The following NTNG1 variants were observed in gnomAD, a reference collection of about 807,000 sequenced individuals.
The protein encoded by NTNG1 is netrin-G1.
A neutral mutation model predicts 54.0 loss-of-function variants in NTNG1; 16 were observed. The ratio of observed to expected loss-of-function variants is 0.30; its 90% CI spans 0.20 to 0.45. NTNG1 has a LOEUF of 0.45. Ranked by LOEUF, NTNG1 falls within the 20% of genes least tolerant of loss-of-function variation. NTNG1 has a pLI of 1.00. For synonymous variants in NTNG1, 255 were observed against 263.1 expected, an observed-to-expected ratio of 0.97 and a Z score of 0.30; for missense variants, 530 against 678.7, an observed-to-expected ratio of 0.78 and a Z score of 2.43.
intron 2 of NTNG1, among the ~76,000 whole-genome samples, chr1:107,218,674 T>G (rs1660133555): frequency 6.6e-6 from 1 of 152,204 alleles, no homozygotes. Flanking sequence ...TCTCAGCATT[T>G]GTTTGTCTGT....
chr1:107,336,494 A>C (rs1362999010), intron 3 of NTNG1, among the ~76,000 whole-genome samples: 2 of 151,968 alleles, frequency 1.3e-5, no homozygotes, highest in African/African-American at 4.8e-5. Context: ...TAAAGACCTA[A>C]ATGTAAGAGC....
chr1:107,213,766 A>C (rs1659753718), intron 2 of NTNG1, among the ~76,000 whole-genome samples: 1 of 152,180 alleles, frequency 6.6e-6, no homozygotes, highest in African/African-American at 2.4e-5. Context: ...TGCCTTTGAA[A>C]GTGCAACATG....
intron 2 of NTNG1, among the ~76,000 whole-genome samples, chr1:107,270,708 G>A (rs1029757386): frequency 1.5e-5 from 1 of 67,742 alleles, no homozygotes; most frequent in African/African-American, 5.7e-5. Flanking sequence ...CCCCGCCCCC[G>A]CCCCCGCCCC....
intron 7 of NTNG1, among the ~76,000 whole-genome samples, chr1:107,479,724 G>A (rs1183898387): frequency 6.6e-6 from 1 of 152,198 alleles, no homozygotes; most frequent in African/African-American, 2.4e-5. Context: ...AATGAGGTTA[G>A]TCAGAATTTT....
intron 7 of NTNG1, chr1:107,460,279 G>A (rs927585220): frequency 3.1e-5 from 14 of 453,526 alleles, no homozygotes; most frequent in Admixed American, 2.6e-4. Context: ...CATCATGAGC[G>A]CACTCCCAGG....
At chr1:107,307,249 T>C (rs1257240320) in intron 2 of NTNG1, among the ~76,000 whole-genome samples, 1 of 152,232 alleles carries the variant, frequency 6.6e-6, no homozygotes, top group East Asian at 1.9e-4. Flanking sequence ...CTGTGTATTC[T>C]ATGAAGAGAT....
intron 2 of NTNG1, among the ~76,000 whole-genome samples, chr1:107,245,675 G>A (rs1570945986): frequency 6.6e-6 from 1 of 152,276 alleles, no homozygotes; most frequent in Non-Finnish European, 1.5e-5. Context: ...TTTCATTGCA[G>A]TTGTTTTATG....
chr1:107,381,801 C>T (rs1455502052), intron 3 of NTNG1, among the ~76,000 whole-genome samples: 1 of 152,346 alleles, frequency 6.6e-6, no homozygotes, highest in African/African-American at 2.4e-5. Flanking sequence ...ATAAAGTCAT[C>T]AGGACATTGA....
chr1:107,254,721 T>G (rs1414229918), intron 2 of NTNG1, among the ~76,000 whole-genome samples: 1 of 152,192 alleles, frequency 6.6e-6, no homozygotes, highest in African/African-American at 2.4e-5. Context: ...AAAAATGAGT[T>G]GAGGATTAAA....
upstream of NTNG1, among the ~76,000 whole-genome samples, chr1:107,140,412 G>C (rs1570685768): frequency 6.6e-6 from 1 of 152,098 alleles, no homozygotes; most frequent in Non-Finnish European, 1.5e-5. Flanking sequence ...CAGGGTCCCG[G>C]CCGGGAGCCG....
Position 107,430,927 on chromosome 1 carries a change from A to G in NTNG1, c.1255+10A>G. The G allele has an allele frequency of 2.5e-6, 4 of 1,610,852 alleles. No homozygotes were observed. Among genetic ancestry groups the G allele is most frequent in the Non-Finnish European group, 3.4e-6 (4 of 1,178,046 alleles). On this transcript the variant is annotated intron_variant, in intron 6 of 7. Coordinates refer to ENST00000370068, the MANE Select transcript of NTNG1 (RefSeq NM_001113226.3). ...GAGAATGTGTGCATAGGTCAGTTCCATTACAATTTCAGCTATTCTTCTGTG... is the reference window on the plus strand; with the variant it reads ...GAGAATGTGTGCATAGGTCAGTTCCGTTACAATTTCAGCTATTCTTCTGTG...
At chr1:107,434,238 A>G (rs574287415) in intron 6 of NTNG1, among the ~76,000 whole-genome samples, 2 of 152,236 alleles carry the variant, frequency 1.3e-5, no homozygotes, top group Non-Finnish European at 2.9e-5. Context: ...TAGATGTTGT[A>G]AAATACTTGC....
rs1008794400 is a variant in NTNG1 at position 107,378,649 on chromosome 1, G to A, written c.888-16505G>A. ...ATGTCAGGCTCAGGAGAAGAATGTCGAGGAAGGAGAAAAGCCCAAGGTACA... is the reference window on the plus strand; with the variant it reads ...ATGTCAGGCTCAGGAGAAGAATGTCAAGGAAGGAGAAAAGCCCAAGGTACA... On this transcript the variant is annotated intron_variant, in intron 3 of 7. Coordinates refer to ENST00000370068, the MANE Select transcript of NTNG1 (RefSeq NM_001113226.3). Among the ~76,000 whole-genome samples, 8 of 152,282 alleles carry A rather than the reference G, an allele frequency of 5.3e-5. No homozygotes were observed. In the South Asian group the frequency reaches 1.0e-3, roughly 20 times the overall value.
At chr1:107,172,352 A>T (rs534525890) in intron 2 of NTNG1, among the ~76,000 whole-genome samples, 41 of 152,298 alleles carry the variant, frequency 2.7e-4, no homozygotes, top group African/African-American at 8.9e-4. Flanking sequence ...CATCAACTGC[A>T]TATCAGGCAC....
At chr1:107,214,015 T>C (rs1659774874) in intron 2 of NTNG1, among the ~76,000 whole-genome samples, 1 of 152,182 alleles carries the variant, frequency 6.6e-6, no homozygotes, top group Non-Finnish European at 1.5e-5. Context: ...TAATTTTTAG[T>C]TTTTCTTTTC....
chr1:107,326,486 G>T (rs564966579), intron 3 of NTNG1, among the ~76,000 whole-genome samples: 21 of 151,934 alleles, frequency 1.4e-4, no homozygotes, highest in Non-Finnish European at 2.9e-4. Context: ...TAGTTTCCAG[G>T]ATCTTATTCT....
At chr1:107,274,818 A>G (rs1034207597) in intron 2 of NTNG1, among the ~76,000 whole-genome samples, 13 of 152,216 alleles carry the variant, frequency 8.5e-5, no homozygotes, top group Non-Finnish European at 1.8e-4. Context: ...ATTATTTATC[A>G]GCATTTATTG....
At chr1:107,457,437 T>C (rs1677017294) in intron 7 of NTNG1, among the ~76,000 whole-genome samples, 2 of 152,220 alleles carry the variant, frequency 1.3e-5, no homozygotes, top group Admixed American at 6.5e-5. Flanking sequence ...ATATGAGCAT[T>C]CATCCAACAC....
intron 2 of NTNG1, among the ~76,000 whole-genome samples, chr1:107,313,207 T>A (rs562761364): frequency 7.9e-5 from 12 of 152,338 alleles, no homozygotes; most frequent in Admixed American, 2.0e-4. Context: ...ACAGGGCAGT[T>A]ATTTTATAGA....
Sources: gnomAD v4.1 joint callset for allele counts (sites outside exome capture counted in the v4.1 genomes callset) on GRCh38, gnomAD v4.1.1 for gene constraint, MANE v1.5 for transcripts, NCBI Gene and HGNC (gene_info 2026-07-23, HGNC 2026-07-21) for gene names.